The following IQCM variants were observed in gnomAD, a reference collection of about 807,000 sequenced individuals.
IQCM encodes the protein IQ domain-containing protein M.
In IQCM, 45 loss-of-function variants were observed where a neutral mutation model predicts 57.6. That is an observed-to-expected ratio of 0.78 (90% CI 0.62 to 1.00). The LOEUF is 1.00. Ranked by LOEUF, IQCM falls within the 50% of genes least tolerant of loss-of-function variation. The pLI is 0.00. For missense variants in IQCM, 468 were observed against 511.6 expected (o/e 0.91, Z 0.82); for synonymous variants, 148 against 158.9 (o/e 0.93, Z 0.51).
At chr4:149,695,351 A>G (rs1310964020) in intron 5 of IQCM, among the ~76,000 whole-genome samples, 1 of 152,246 alleles carries the variant, frequency 6.6e-6, no homozygotes, top group African/African-American at 2.4e-5. Context: ...AAATAATTAC[A>G]TAATTCCAAA....
rs1773076527 is a variant in IQCM at position 149,796,006 on chromosome 4, T to C, written c.-49+19305A>G. ...GTGAGACTCAGAACATTGCCAGCTA[T>C]GGTGGCCCTGGGGCGAGACTCCTTG... is the stretch of plus-strand genomic sequence containing the variant. On this transcript the variant is annotated intron_variant, in intron 2 of 13. Transcript: ENST00000636793. Among the ~76,000 whole-genome samples the C allele has an allele frequency of 3.9e-5, 6 of 152,260 alleles. No homozygotes were observed. In the South Asian group the frequency reaches 1.2e-3, roughly 32 times the overall value.
intron 12 of IQCM, among the ~76,000 whole-genome samples, chr4:149,526,727 T>G (rs1037840575): frequency 6.6e-6 from 1 of 152,070 alleles, no homozygotes; most frequent in Admixed American, 6.6e-5. Flanking sequence ...ATAGTAAAAC[T>G]AGAAAGTTCT....
intron 5 of IQCM, among the ~76,000 whole-genome samples, chr4:149,688,796 C>A (rs372862757): frequency 1.3e-5 from 2 of 151,666 alleles, no homozygotes; most frequent in Admixed American, 1.3e-4. Flanking sequence ...CAGAAATAAA[C>A]CCTAATATTT....
intron 8 of IQCM, among the ~76,000 whole-genome samples, chr4:149,600,429 A>C (rs1044011213): frequency 6.6e-6 from 1 of 152,228 alleles, no homozygotes; most frequent in African/African-American, 2.4e-5. Context: ...TCAGAAAGTT[A>C]AATTGGGGAT....
chr4:149,751,910 A>G (rs1373136351), intron 2 of IQCM, among the ~76,000 whole-genome samples: 1 of 152,216 alleles, frequency 6.6e-6, no homozygotes, highest in African/African-American at 2.4e-5. Flanking sequence ...ATTCGTCAAC[A>G]TCATCAAAGA....
intron 5 of IQCM, among the ~76,000 whole-genome samples, chr4:149,712,529 C>A: frequency 6.6e-6 from 1 of 152,230 alleles, no homozygotes; most frequent in African/African-American, 2.4e-5. Flanking sequence ...CTTCATTATG[C>A]AACAAGCATT....
chr4:149,442,047 T>A (rs1055877688), intron 12 of IQCM, among the ~76,000 whole-genome samples: 1 of 152,116 alleles, frequency 6.6e-6, no homozygotes, highest in Admixed American at 6.6e-5. Flanking sequence ...ATCTGTTCCT[T>A]ATAAATTACT....
intron 5 of IQCM, among the ~76,000 whole-genome samples, chr4:149,727,709 G>A (rs529634238): frequency 6.6e-6 from 1 of 152,252 alleles, no homozygotes; most frequent in South Asian, 2.1e-4. Flanking sequence ...TGTGTCAGCT[G>A]AAGCTGGTCC....
chr4:149,442,670 CT>C (rs1429717584), intron 12 of IQCM, among the ~76,000 whole-genome samples: 2 of 151,956 alleles, frequency 1.3e-5, no homozygotes, highest in Admixed American at 1.3e-4. Flanking sequence ...TACTAACAGT[CT>C]GTTTATAATT....
chr4:149,494,056 G>A (rs191858978), intron 12 of IQCM, among the ~76,000 whole-genome samples: 1 of 150,692 alleles, frequency 6.6e-6, no homozygotes, highest in African/African-American at 2.4e-5. Flanking sequence ...TTTTTTAAGG[G>A]TTTTTTTGCA....
chr4:149,610,268 G>A (rs554535582), intron 8 of IQCM, among the ~76,000 whole-genome samples: 19 of 152,118 alleles, frequency 1.2e-4, no homozygotes, highest in African/African-American at 4.6e-4. Flanking sequence ...TCATGAATTG[G>A]AAGAATCAAT....
chr4:149,444,077 A>G (rs1736251600), intron 12 of IQCM, among the ~76,000 whole-genome samples: 1 of 151,866 alleles, frequency 6.6e-6, no homozygotes. Flanking sequence ...ATAACATAGT[A>G]TTTTAGCCAG....
chr4:149,570,853 T>C (rs1002493121), intron 9 of IQCM, among the ~76,000 whole-genome samples: 2 of 152,022 alleles, frequency 1.3e-5, no homozygotes, highest in African/African-American at 2.4e-5. Context: ...AATAGAGATT[T>C]CCCTAAAGAA....
chr4:149,768,129 T>C (rs1254129876), intron 2 of IQCM, among the ~76,000 whole-genome samples: 6 of 152,150 alleles, frequency 3.9e-5, no homozygotes, highest in Non-Finnish European at 5.9e-5. Flanking sequence ...GAGATGAGGT[T>C]CTGTTCACAA....
intron 5 of IQCM, among the ~76,000 whole-genome samples, chr4:149,687,695 C>T (rs1762647030): frequency 6.6e-6 from 1 of 151,766 alleles, no homozygotes; most frequent in South Asian, 2.1e-4. Context: ...ATGCTAACAT[C>T]CTTAACAAAA....
At chr4:149,591,641 C>T (rs572644463) in intron 8 of IQCM, among the ~76,000 whole-genome samples, 29 of 152,172 alleles carry the variant, frequency 1.9e-4, no homozygotes, top group Admixed American at 6.5e-4. Flanking sequence ...TGTGATGTTC[C>T]CCACCCTGTG....
chr4:149,790,939 A>G (rs1386276801), intron 2 of IQCM, among the ~76,000 whole-genome samples: 1 of 152,024 alleles, frequency 6.6e-6, no homozygotes, highest in Non-Finnish European at 1.5e-5. Context: ...TACTGGAATT[A>G]GTTGGAAGAA....
At chr4:149,743,355 C>T (rs1168736584) in intron 2 of IQCM, among the ~76,000 whole-genome samples, 1 of 152,076 alleles carries the variant, frequency 6.6e-6, no homozygotes, top group Non-Finnish European at 1.5e-5. Context: ...TGATCTGTTC[C>T]TCTCTTAAAT....
intron 6 of IQCM, among the ~76,000 whole-genome samples, chr4:149,684,103 T>A (rs983936979): frequency 6.6e-6 from 1 of 151,402 alleles, no homozygotes; most frequent in Admixed American, 6.6e-5. Context: ...TAAATGCATT[T>A]TGTTGATGGG....
Sources: gnomAD v4.1 joint callset for allele counts (sites outside exome capture counted in the v4.1 genomes callset) on GRCh38, gnomAD v4.1.1 for gene constraint, MANE v1.5 for transcripts, NCBI Gene and HGNC (gene_info 2026-07-23, HGNC 2026-07-21) for gene names.